The following AFF3 variants were observed in gnomAD, a reference collection of about 807,000 sequenced individuals.
AFF3 encodes the protein ALF transcription elongation factor 3, also known as AF4/FMR2 family member 3.
AFF3 carries 32 observed loss-of-function variants against 129.7 expected under a neutral mutation model. That is an observed-to-expected ratio of 0.25 (90% CI 0.19 to 0.33). The LOEUF is 0.33. AFF3 is among the 10% of genes least tolerant of loss of function. The pLI is 1.00. For missense variants in AFF3, 1,373 were observed against 1,592.0 expected (o/e 0.86, Z 2.34); for synonymous variants, 644 against 635.4 (o/e 1.01, Z -0.20).
intron 10 of AFF3, among the ~76,000 whole-genome samples, chr2:99,730,053 T>C (rs1679691078): frequency 6.6e-6 from 1 of 152,202 alleles, no homozygotes; most frequent in South Asian, 2.1e-4. Flanking sequence ...ATGTGTATTA[T>C]ACACTTTCAA....
At chr2:99,596,001 CTTCCCTGGGCTGTG>C (rs1180595749) in intron 14 of AFF3, among the ~76,000 whole-genome samples, 3 of 152,236 alleles carry the variant, frequency 2.0e-5, no homozygotes, top group Non-Finnish European at 2.9e-5. Flanking sequence ...ATGAAGGCCC[CTTCCCTGGGCTGTG>C]AGGATGCGGA....
intron 11 of AFF3, among the ~76,000 whole-genome samples, chr2:99,720,482 A>G (rs1678791076): frequency 6.6e-6 from 1 of 152,106 alleles, no homozygotes; most frequent in Non-Finnish European, 1.5e-5. Flanking sequence ...AGAAGTCCTC[A>G]CCAGAAGCCA....
At chr2:99,642,420 T>C (rs1006016422) in intron 13 of AFF3, among the ~76,000 whole-genome samples, 19 of 152,282 alleles carry the variant, frequency 1.2e-4, no homozygotes, top group African/African-American at 4.6e-4. Context: ...TTTGAGCCAC[T>C]AAGCGATGAG....
chr2:99,965,923 T>C (rs1346306322), intron 7 of AFF3, among the ~76,000 whole-genome samples: 4 of 152,222 alleles, frequency 2.6e-5, no homozygotes, highest in Admixed American at 2.0e-4. Flanking sequence ...TTTGACTATA[T>C]ATATTAACAC....
intron 7 of AFF3, among the ~76,000 whole-genome samples, chr2:99,998,174 C>T (rs1046517836): frequency 7.9e-5 from 12 of 152,104 alleles, no homozygotes; most frequent in Admixed American, 3.9e-4. Context: ...CTCGTAGGTA[C>T]GAATCAGTCA....
intron 7 of AFF3, among the ~76,000 whole-genome samples, chr2:99,939,780 C>T (rs1182986408): frequency 6.6e-6 from 1 of 152,176 alleles, no homozygotes; most frequent in Non-Finnish European, 1.5e-5. Context: ...ATGTAAAAAA[C>T]GCAATCTGTA....
chr2:100,137,842 T>C (rs1280354146), intron 1 of AFF3, among the ~76,000 whole-genome samples: 1 of 152,174 alleles, frequency 6.6e-6, no homozygotes, highest in Non-Finnish European at 1.5e-5. Flanking sequence ...GAGTAGGAAC[T>C]GGGAAATAAT....
intron 8 of AFF3, among the ~76,000 whole-genome samples, chr2:99,753,750 T>C (rs1681864923): frequency 6.6e-6 from 1 of 152,128 alleles, no homozygotes; most frequent in Non-Finnish European, 1.5e-5. Context: ...ACACAGACAG[T>C]AGGTGGGTTA....
At chr2:100,140,303 T>A (rs1385903313) in intron 1 of AFF3, among the ~76,000 whole-genome samples, 2 of 152,172 alleles carry the variant, frequency 1.3e-5, no homozygotes. Flanking sequence ...AGTAGTGGTG[T>A]AGAAAAAATG....
chr2:100,140,867 C>T (rs1692840641), intron 1 of AFF3, among the ~76,000 whole-genome samples: 1 of 152,110 alleles, frequency 6.6e-6, no homozygotes, highest in Non-Finnish European at 1.5e-5. Flanking sequence ...CTGCTCTGGC[C>T]TTAAGTGTCA....
rs570239658 is a variant in AFF3, at chr2:100,042,456, G to A, written c.54-33524C>T. 2.6e-5 allele frequency among the ~76,000 whole-genome samples: 4 copies of A among 152,258 alleles called. No homozygotes were observed. In the South Asian group the frequency reaches 8.3e-4, roughly 32 times the overall value. On this transcript the variant is annotated intron_variant, in intron 4 of 24. Transcript: ENST00000672756. Reference sequence around the variant, plus strand: ...TGCTTCCACTACAGGGTCTAGAACTGTGTCTGACACACAATAGATCCACCA... The same window carrying A: ...TGCTTCCACTACAGGGTCTAGAACTATGTCTGACACACAATAGATCCACCA...
chr2:99,903,722 C>T (rs542232286), intron 7 of AFF3, among the ~76,000 whole-genome samples: 15 of 152,228 alleles, frequency 9.9e-5, no homozygotes, highest in African/African-American at 3.4e-4. Context: ...TCTCTCAGGT[C>T]TGGGGTATCT....
Position 99,580,461 on chromosome 2 carries a change from C to T in AFF3, c.2794-2010G>A, listed in dbSNP as rs560561173. On this transcript the variant is annotated intron_variant, in intron 17 of 24. Coordinates refer to ENST00000672756, the MANE Select transcript of AFF3 (RefSeq NM_001386135.1). ...CTCAACTGGGGCAAGTTGACAATGC[C>T]CGGAGACATTTTTAGTTGTCACCAC... Among the ~76,000 whole-genome samples, 34 of 152,246 alleles carry T rather than the reference C, an allele frequency of 2.2e-4. No homozygotes were observed. In the East Asian group the frequency reaches 6.4e-3, roughly 29 times the overall value.
At chr2:100,071,932 A>C (rs1559105129) in intron 4 of AFF3, among the ~76,000 whole-genome samples, 1 of 152,138 alleles carries the variant, frequency 6.6e-6, no homozygotes, top group African/African-American at 2.4e-5. Flanking sequence ...TGCTCAACTA[A>C]ATAGCATTTA....
chr2:99,785,850 C>T (rs543067242), intron 8 of AFF3, among the ~76,000 whole-genome samples: 11 of 152,210 alleles, frequency 7.2e-5, no homozygotes, highest in African/African-American at 2.4e-4. Flanking sequence ...CGGGTTCAAG[C>T]GATTCTGCTG....
intron 7 of AFF3, among the ~76,000 whole-genome samples, chr2:99,908,258 A>C (rs1211802850): frequency 1.6e-4 from 24 of 152,172 alleles, no homozygotes; most frequent in Admixed American, 1.5e-3. Flanking sequence ...TGGTGCTGGG[A>C]AAACTGGCTA....
intron 12 of AFF3, among the ~76,000 whole-genome samples, chr2:99,652,363 T>C (rs897402080): frequency 3.9e-5 from 6 of 152,070 alleles, no homozygotes; most frequent in Non-Finnish European, 7.4e-5. Context: ...ATAATGGCAG[T>C]AGTGTCTGGG....
chr2:99,952,051 G>T (rs1676219869), intron 7 of AFF3, among the ~76,000 whole-genome samples: 2 of 152,164 alleles, frequency 1.3e-5, no homozygotes, highest in East Asian at 3.9e-4. Flanking sequence ...CTTTATTTCA[G>T]AAAGGCCTTT....
intron 11 of AFF3, among the ~76,000 whole-genome samples, chr2:99,711,766 A>G (rs1183295317): frequency 6.6e-6 from 1 of 152,204 alleles, no homozygotes; most frequent in East Asian, 1.9e-4. Context: ...AATGCTAGAA[A>G]CACTTCAACA....
Sources: allele counts gnomAD v4.1 joint callset (sites outside exome capture counted in the v4.1 genomes callset), GRCh38; gene constraint gnomAD v4.1.1; transcripts MANE v1.5; gene names NCBI Gene and HGNC (gene_info 2026-07-23, HGNC 2026-07-21).